CTNNA3: variants seen among roughly 807,000 people sequenced by gnomAD.
CTNNA3 encodes the protein catenin alpha-3.
CTNNA3 carries 76 observed loss-of-function variants against 95.7 expected under a neutral mutation model. The ratio of observed to expected loss-of-function variants is 0.79; its 90% CI spans 0.66 to 0.96. The LOEUF is 0.96. CTNNA3 is among the 40% of genes least tolerant of loss of function. The probability of loss-of-function intolerance (pLI) is 0.00; values close to 1 mark genes in which losing one functional copy is unlikely to be tolerated. For synonymous variants in CTNNA3, 431 were observed against 374.4 expected (o/e 1.15, Z -1.74); for missense variants, 1,191 against 1,089.8 (o/e 1.09, Z -1.31).
intron 11 of CTNNA3, among the ~76,000 whole-genome samples, chr10:66,400,341 C>T (rs2093010715): frequency 6.6e-6 from 1 of 151,968 alleles, no homozygotes. Flanking sequence ...TTATCATTTG[C>T]TTTTTATGTA....
rs557978796 is a variant in CTNNA3 at position 66,596,180 on chromosome 10, G to A, written c.1374+25512C>T. On this transcript the variant is annotated intron_variant, in intron 10 of 17. Coordinates refer to ENST00000433211, the MANE Select transcript of CTNNA3 (RefSeq NM_013266.4). ...ACAGGGTAAGGGGGTAGGGGCCGTG[G>A]CAGCCTGTATGAATATCTCAACAAC... Among the ~76,000 whole-genome samples, 332 of 152,064 alleles carry A rather than the reference G, an allele frequency of 2.2e-3. 3 individuals carry two copies. Among genetic ancestry groups the A allele is most frequent in the Middle Eastern group, 0.014 (4 of 294 alleles).
intron 5 of CTNNA3, among the ~76,000 whole-genome samples, chr10:67,426,021 GGAAGAGACTTTC>G (rs1845911422): frequency 6.6e-6 from 1 of 152,044 alleles, no homozygotes; most frequent in African/African-American, 2.4e-5. Flanking sequence ...CAGGTCCTAA[GGAAGAGACTTTC>G]CTTAAAGGTC....
At chr10:66,274,296 C>A (rs914841827) in intron 13 of CTNNA3, among the ~76,000 whole-genome samples, 18 of 152,046 alleles carry the variant, frequency 1.2e-4, no homozygotes, top group African/African-American at 4.3e-4. Flanking sequence ...TCATATTCTT[C>A]TTTTGAATTT....
At chr10:65,929,354 G>A (rs1295041826) in intron 17 of CTNNA3, among the ~76,000 whole-genome samples, 4 of 152,080 alleles carry the variant, frequency 2.6e-5, no homozygotes, top group African/African-American at 7.2e-5. Flanking sequence ...TTTTATAGTC[G>A]ACAACCTGTG....
intron 11 of CTNNA3, among the ~76,000 whole-genome samples, chr10:66,409,328 T>C (rs147371084): frequency 1.6e-4 from 24 of 152,220 alleles, no homozygotes; most frequent in Admixed American, 4.6e-4. Flanking sequence ...CTACTTAACA[T>C]GCCTTCTGAA....
At chr10:66,135,629 A>G (rs2083306541) in intron 13 of CTNNA3, among the ~76,000 whole-genome samples, 1 of 152,182 alleles carries the variant, frequency 6.6e-6, no homozygotes. Flanking sequence ...ATTAGGTAAA[A>G]GTGTTGTTGA....
intron 13 of CTNNA3, among the ~76,000 whole-genome samples, chr10:66,122,673 G>A (rs944176186): frequency 6.6e-6 from 1 of 152,148 alleles, no homozygotes; most frequent in Non-Finnish European, 1.5e-5. Flanking sequence ...ACCAAAGACT[G>A]GGCAATTTAC....
chr10:66,597,468 G>A (rs914379355), intron 10 of CTNNA3, among the ~76,000 whole-genome samples: 230 of 131,876 alleles, frequency 1.7e-3, no homozygotes, highest in African/African-American at 5.9e-3. Context: ...CTTGAGCCCA[G>A]GAGTTAAAGG....
intron 12 of CTNNA3, among the ~76,000 whole-genome samples, chr10:66,369,361 G>A (rs2092735968): frequency 6.6e-6 from 1 of 152,102 alleles, no homozygotes; most frequent in Non-Finnish European, 1.5e-5. Context: ...TCCCTGAGCT[G>A]GTTAACTGGA....
rs573998221 is a variant in CTNNA3 at position 66,750,833 on chromosome 10, T to C, written c.1281+15431A>G. ...CATGTTTGACAATACTGAGTTTTCC[T>C]GTCCACAAATATGGAGTATCTCCAT... is the stretch of plus-strand genomic sequence containing the variant. On this transcript the variant is annotated intron_variant, in intron 9 of 17. Coordinates refer to ENST00000433211, the MANE Select transcript of CTNNA3 (RefSeq NM_013266.4). 2.3e-3 allele frequency among the ~76,000 whole-genome samples: 355 copies of C among 152,384 alleles called. 1 individual carries two copies. Among genetic ancestry groups the C allele is most frequent in the African/African-American group, 8.3e-3 (346 of 41,602 alleles).
At chr10:67,309,618 A>G (rs1345168415) in intron 5 of CTNNA3, among the ~76,000 whole-genome samples, 2 of 152,170 alleles carry the variant, frequency 1.3e-5, no homozygotes, top group Non-Finnish European at 2.9e-5. Flanking sequence ...ACAGTCAGAA[A>G]GAAGTCGTTA....
chr10:67,532,781 C>T (rs942993410), intron 4 of CTNNA3, among the ~76,000 whole-genome samples: 4 of 152,140 alleles, frequency 2.6e-5, no homozygotes, highest in Non-Finnish European at 4.4e-5. Context: ...TGTCATATAT[C>T]ATTCAGTCTT....
At chr10:66,881,252 C>T (rs1359762065) in intron 7 of CTNNA3, among the ~76,000 whole-genome samples, 2 of 152,140 alleles carry the variant, frequency 1.3e-5, no homozygotes, top group African/African-American at 4.8e-5. Context: ...TGTTCACACA[C>T]AAAGCCAAAT....
rs576255638 is a variant in CTNNA3 at position 67,646,413 on chromosome 10, A to T, written c.99+1002T>A. 3.3e-5 allele frequency among the ~76,000 whole-genome samples: 5 copies of T among 152,176 alleles called. No homozygotes were observed. In the South Asian group the frequency reaches 8.3e-4, roughly 25 times the overall value. ...TAGTATAAATTTCACACCAGATATT[A>T]GTGCCGTTAAGACTGCCAAAGTTAA... On this transcript the variant is annotated intron_variant, in intron 2 of 17. Transcript: ENST00000433211.
intron 11 of CTNNA3, among the ~76,000 whole-genome samples, chr10:66,435,627 C>A (rs1319585725): frequency 2.6e-5 from 4 of 152,176 alleles, no homozygotes; most frequent in Admixed American, 1.3e-4. Flanking sequence ...TTCAAAAAAC[C>A]AGCTCCTGGA....
At chr10:66,171,011 T>C (rs2085396877) in intron 13 of CTNNA3, among the ~76,000 whole-genome samples, 1 of 151,982 alleles carries the variant, frequency 6.6e-6, no homozygotes, top group South Asian at 2.1e-4. Context: ...CAGGCACCTA[T>C]AATCCCAGCT....
chr10:65,944,331 C>T (rs1437639858), intron 17 of CTNNA3, among the ~76,000 whole-genome samples: 1 of 152,218 alleles, frequency 6.6e-6, no homozygotes, highest in East Asian at 1.9e-4. Flanking sequence ...CAAAATTATG[C>T]CATCCATGGC....
intron 1 of CTNNA3, among the ~76,000 whole-genome samples, chr10:67,720,129 C>CTTTTTTTTTTTTTTTTTTTTT (rs58074397): frequency 0.014 from 95 of 6,608 alleles, 35 homozygotes; most frequent in South Asian, 0.051. Flanking sequence ...GCAACCCCTG[C>CTTTTTTTTTTTTTTTTTTTTT]TTTTTTTTTT....
At chr10:67,493,484 C>T (rs1187029184) in intron 5 of CTNNA3, among the ~76,000 whole-genome samples, 1 of 150,516 alleles carries the variant, frequency 6.6e-6, no homozygotes, top group Non-Finnish European at 1.5e-5. Context: ...ATGGCGTGAA[C>T]CCGGGAGGCG....
Sources: gnomAD v4.1 joint callset for allele counts (sites outside exome capture counted in the v4.1 genomes callset) on GRCh38, gnomAD v4.1.1 for gene constraint, MANE v1.5 for transcripts, NCBI Gene and HGNC (gene_info 2026-07-23, HGNC 2026-07-21) for gene names.